The following LMO7 variants were observed in gnomAD, a reference collection of about 807,000 sequenced individuals.
LMO7 encodes LIM domain 7.
In LMO7, 120 loss-of-function variants were observed where a neutral mutation model predicts 206.5. The ratio of observed to expected loss-of-function variants is 0.58; its 90% CI spans 0.50 to 0.68. The LOEUF is 0.68. LMO7 is among the 30% of genes least tolerant of loss of function. The probability of loss-of-function intolerance (pLI) is 0.00; values close to 1 mark genes in which losing one functional copy is unlikely to be tolerated. For missense variants in LMO7, 1,959 were observed against 1,957.9 expected (o/e 1.00, Z -0.01); for synonymous variants, 706 against 681.5 (o/e 1.04, Z -0.56).
chr13:75,770,828 A>C (rs1335859695), intron 4 of LMO7, among the ~76,000 whole-genome samples: 4 of 152,150 alleles, frequency 2.6e-5, no homozygotes, highest in African/African-American at 9.7e-5. Flanking sequence ...CTTTTGCTTC[A>C]CATGCCTGAA....
rs2061161970 is a variant in LMO7, at chr13:75,859,854, G to A, written c.*1911G>A. 6.6e-6 allele frequency: 1 copy of A among 152,194 alleles called. No homozygotes were observed. Among genetic ancestry groups the A allele is most frequent in the Admixed American group, 6.5e-5 (1 of 15,276 alleles). 9.4% of individuals were successfully genotyped at this position (152,194 alleles called of 1,614,324 possible). On this transcript the variant is annotated 3_prime_UTR_variant, in exon 31 of 31. Transcript: ENST00000377534. The stretch of plus-strand genomic sequence containing the variant: ...ATATGCAGTGGTTGAATAAATGAAT[G>A]AAGAAACCACTATCAATTTCTGCCT...
chr13:75,826,140 A>T (rs1199184958), intron 15 of LMO7, among the ~76,000 whole-genome samples: 1 of 151,978 alleles, frequency 6.6e-6, no homozygotes, highest in East Asian at 1.9e-4. Context: ...TCCTGGACTG[A>T]AGCAATCCTC....
intron 1 of LMO7, among the ~76,000 whole-genome samples, chr13:75,694,806 G>C (rs1252040177): frequency 6.6e-6 from 1 of 152,146 alleles, no homozygotes; most frequent in Non-Finnish European, 1.5e-5. Context: ...GTGAGGAGTG[G>C]AGAACCAGAG....
intron 4 of LMO7, among the ~76,000 whole-genome samples, chr13:75,776,683 T>G (rs1384253031): frequency 6.6e-6 from 1 of 152,120 alleles, no homozygotes; most frequent in Admixed American, 6.5e-5. Flanking sequence ...TATCCCACAA[T>G]TCTAATCGAG....
chr13:75,812,861 C>T lies in LMO7; in HGVS notation c.1946+3678C>T, dbSNP rs570360843. Among the ~76,000 whole-genome samples, 77 of 152,334 alleles carry T rather than the reference C, an allele frequency of 5.1e-4. 2 individuals carry two copies. In the South Asian group the frequency reaches 0.013, roughly 27 times the overall value. On this transcript the variant is annotated intron_variant, in intron 11 of 30. Transcript: ENST00000377534. ...TGAAGCAGGACTTGTAAGAGACATA[C>T]GATGTGATTTGCCAGCTAATCATCC...
chr13:75,786,940 C>T (rs1027387643), intron 4 of LMO7, among the ~76,000 whole-genome samples: 2 of 152,150 alleles, frequency 1.3e-5, no homozygotes, highest in African/African-American at 4.8e-5. Flanking sequence ...TTTGGAAGAT[C>T]AGTTTAAAAA....
chr13:75,794,943 A>T (rs2053770627), intron 4 of LMO7, among the ~76,000 whole-genome samples: 1 of 152,118 alleles, frequency 6.6e-6, no homozygotes, highest in Non-Finnish European at 1.5e-5. Context: ...TGATGAAAAA[A>T]AAACCCCATC....
chr13:75,702,464 G>A (rs78695459), intron 1 of LMO7, among the ~76,000 whole-genome samples: 2,098 of 152,332 alleles, frequency 0.014, 45 homozygotes, highest in African/African-American at 0.046. Context: ...TTGGAAGACT[G>A]CGAGTTGGCT....
At chr13:75,755,109 T>C (rs7983875) in intron 3 of LMO7, among the ~76,000 whole-genome samples, 55,416 of 151,740 alleles carry the variant, frequency 0.37, 10,514 homozygotes, top group East Asian at 0.51. Flanking sequence ...GCAGGACTGA[T>C]AGGAGGCTTG....
At chr13:75,700,750 A>G (rs2042234850) in intron 1 of LMO7, among the ~76,000 whole-genome samples, 1 of 152,236 alleles carries the variant, frequency 6.6e-6, no homozygotes, top group African/African-American at 2.4e-5. Context: ...TGCAGTGTGA[A>G]TATGCTGGAC....
intron 1 of LMO7, among the ~76,000 whole-genome samples, chr13:75,693,926 C>T (rs531703769): frequency 6.6e-6 from 1 of 152,104 alleles, no homozygotes; most frequent in Non-Finnish European, 1.5e-5. Flanking sequence ...GCTCTTTAGT[C>T]TCTGAACCTT....
intron 5 of LMO7, 117 bp downstream of exon 5, chr13:75,795,548 C>A: frequency 1.4e-6 from 1 of 709,108 alleles, no homozygotes; most frequent in African/African-American, 1.8e-5. Flanking sequence ...TTTTTTGCTA[C>A]AAACCAATCA....
chr13:75,796,657 C>T lies in LMO7; in HGVS notation c.370C>T (p.Leu124=). 1 of 1,610,460 alleles carries T rather than the reference C, an allele frequency of 6.2e-7. No individual in the cohort carries two copies. Among genetic ancestry groups the T allele is most frequent in the Non-Finnish European group, 8.5e-7 (1 of 1,177,540 alleles). ...TAAGGTTTTGATAACATTGTACTGGCTGGGAAGAAAAGCACAAAGCAACCC... is the reference window on the plus strand; with the variant it reads ...TAAGGTTTTGATAACATTGTACTGGTTGGGAAGAAAAGCACAAAGCAACCC... The part of the protein sequence containing the change: ...VKNVLITLYW[L]GRKAQSNPYY... The change falls in exon 6 of 31, where the codon CTG becomes TTG. Residue 124 remains leucine, a synonymous_variant. Transcript: ENST00000377534.
chr13:75,691,762 G>GT (rs1387698311), intron 1 of LMO7, among the ~76,000 whole-genome samples: 5 of 152,030 alleles, frequency 3.3e-5, no homozygotes, highest in African/African-American at 1.2e-4. Flanking sequence ...ATCTCCTTTG[G>GT]TTAAACTATC....
intron 4 of LMO7, among the ~76,000 whole-genome samples, chr13:75,766,395 C>A (rs2048889184): frequency 6.6e-6 from 1 of 151,948 alleles, no homozygotes; most frequent in Non-Finnish European, 1.5e-5. Context: ...ATTTCTGGAG[C>A]TACAGAGTAG....
intron 3 of LMO7, among the ~76,000 whole-genome samples, chr13:75,731,134 G>A (rs1270486312): frequency 1.3e-5 from 2 of 152,142 alleles, no homozygotes; most frequent in Admixed American, 6.5e-5. Flanking sequence ...TTCCGTAGAT[G>A]TCTATTAGGT....
At chr13:75,709,259 C>T (rs570050439) in intron 1 of LMO7, among the ~76,000 whole-genome samples, 100 of 152,284 alleles carry the variant, frequency 6.6e-4, no homozygotes, top group Non-Finnish European at 1.1e-3. Context: ...AATAAACATA[C>T]GTGTGCATGT....
At chr13:75,627,608 C>T (rs1006068837) in intron 2 of LMO7, 32 of 152,096 alleles carry the variant, frequency 2.1e-4, no homozygotes, top group African/African-American at 6.8e-4. Flanking sequence ...AACACACACA[C>T]ACACACAAAT....
chr13:75,857,889 C>T, intron 30 of LMO7, 32 bp from the exon 31 acceptor site: 1 of 1,520,476 alleles, frequency 6.6e-7, no homozygotes, highest in Non-Finnish European at 9.0e-7. Flanking sequence ...TGAATCTAAG[C>T]ACTTTTCTTT....
Sources: gnomAD v4.1 joint callset for allele counts (sites outside exome capture counted in the v4.1 genomes callset) on GRCh38, gnomAD v4.1.1 for gene constraint, MANE v1.5 for transcripts, NCBI Gene and HGNC (gene_info 2026-07-23, HGNC 2026-07-21) for gene names.